ATP8B3: variants seen among roughly 807,000 people sequenced by gnomAD.
The protein encoded by ATP8B3 is phospholipid-transporting ATPase IK.
In ATP8B3, 141 loss-of-function variants were observed where a neutral mutation model predicts 140.9. The ratio of observed to expected loss-of-function variants is 1.00; its 90% CI spans 0.87 to 1.15. The LOEUF is 1.15. Among genes scored for constraint, ATP8B3 ranks in the 50% most tolerant of loss-of-function variants. The probability of loss-of-function intolerance (pLI) is 0.00; values close to 1 mark genes in which losing one functional copy is unlikely to be tolerated. For synonymous variants in ATP8B3, 765 were observed against 714.6 expected, an observed-to-expected ratio of 1.07 and a Z score of -1.13; for missense variants, 1,874 against 1,740.6, an observed-to-expected ratio of 1.08 and a Z score of -1.36.
At chr19:1,795,144 A>G (rs1307592778) in intron 18 of ATP8B3, among the ~76,000 whole-genome samples, 2 of 152,040 alleles carry the variant, frequency 1.3e-5, no homozygotes, top group African/African-American at 2.4e-5. Context: ...AGTCTCAGCT[A>G]CTCAGGAGGC....
intron 24 of ATP8B3, among the ~76,000 whole-genome samples, chr19:1,787,483 C>G (rs1199704457): frequency 6.6e-6 from 1 of 152,124 alleles, no homozygotes. Flanking sequence ...AATCTCAGCA[C>G]TTTGGAAGGC....
At chr19:1,784,988 C>T (rs2068257417) in intron 27 of ATP8B3, 42 bp from the exon 28 acceptor site, 3 of 1,577,812 alleles carry the variant, frequency 1.9e-6, no homozygotes, top group Non-Finnish European at 8.6e-7. Context: ...ACCCCCAGCT[C>T]CAAGGATGCC....
In ATP8B3 at chr19:1,794,404, C is replaced by T. The variant is rs891666581; in HGVS notation, c.2055+1471G>A. Among the ~76,000 whole-genome samples the T allele has an allele frequency of 1.3e-5, 2 of 152,128 alleles. No individual in the cohort carries two copies. Among genetic ancestry groups the T allele is most frequent in the African/African-American group, 4.8e-5 (2 of 41,434 alleles). On this transcript the variant is annotated intron_variant, in intron 18 of 28. Coordinates refer to ENST00000310127, the MANE Select transcript of ATP8B3 (RefSeq NM_138813.4). The surrounding 1 kb of genome is among the most constrained non-coding windows in gnomAD (Gnocchi z 4.8). ...ACCGCACTTCCAGTTCAGAGTGCCCCCACATCCTGGCAGAGCAGGGGACAC... is the reference window on the plus strand; with the variant it reads ...ACCGCACTTCCAGTTCAGAGTGCCCTCACATCCTGGCAGAGCAGGGGACAC...
chr19:1,793,567 G>T (rs1251758116), intron 18 of ATP8B3, among the ~76,000 whole-genome samples: 1 of 152,164 alleles, frequency 6.6e-6, no homozygotes, highest in Non-Finnish European at 1.5e-5. Context: ...CCAGACCCAG[G>T]GTTGGGGCCT....
chr19:1,809,354 G>A (rs1452098199), intron 4 of ATP8B3, among the ~76,000 whole-genome samples: 1 of 151,364 alleles, frequency 6.6e-6, no homozygotes, highest in African/African-American at 2.4e-5. Context: ...GGTGGTGCAT[G>A]CCTGTAATCC....
chr19:1,802,407 A>ACACCCCC, intron 11 of ATP8B3, 80 bp downstream of exon 11: 1 of 318,102 alleles, frequency 3.1e-6, no homozygotes, highest in Non-Finnish European at 6.0e-6. Context: ...CCACCCACCT[A>ACACCCCC]CCCACCCACC....
intron 21 of ATP8B3, 38 bp downstream of exon 21, chr19:1,790,719 C>A (rs773887927): frequency 1.3e-6 from 2 of 1,543,932 alleles, no homozygotes; most frequent in Non-Finnish European, 1.7e-6. Flanking sequence ...CTCACCTCCC[C>A]ACTCCCCTTG....
In ATP8B3 at chr19:1,800,905, A is replaced by C. The variant is rs370895782; in HGVS notation, c.1153-456T>G. ...GTGCAGTGGCGCGATCTTGGCTCAC[A>C]GCAAGCTCCGCCTCCCGGGTTCACA... On this transcript the variant is annotated intron_variant, in intron 12 of 28. Transcript: ENST00000310127. The surrounding 1 kb of genome is among the most constrained non-coding windows in gnomAD (Gnocchi z 4.4). Among the ~76,000 whole-genome samples the C allele has an allele frequency of 6.8e-6, 1 of 146,652 alleles. No individual in the cohort carries two copies. Among genetic ancestry groups the C allele is most frequent in the African/African-American group, 2.5e-5 (1 of 39,490 alleles).
intron 4 of ATP8B3, among the ~76,000 whole-genome samples, chr19:1,809,276 A>T (rs941449607): frequency 3.9e-5 from 6 of 152,082 alleles, no homozygotes; most frequent in African/African-American, 1.4e-4. Context: ...TGAGATCAGG[A>T]GTTCGAGACC....
chr19:1,783,364 C>T, intron 28 of ATP8B3, 94 bp from the exon 29 acceptor site: 1 of 1,455,300 alleles, frequency 6.9e-7, no homozygotes, highest in Non-Finnish European at 9.2e-7. Flanking sequence ...ATTCAAAGCC[C>T]TTGGCCACTA....
In ATP8B3 at chr19:1,805,104, T is replaced by C; in HGVS notation, c.904+270A>G. 1 of 438,984 alleles carries C rather than the reference T, an allele frequency of 2.3e-6. No individual in the cohort carries two copies. The highest frequency in any genetic ancestry group is 4.3e-6 in the Non-Finnish European group (1 of 234,374). The allele number at this position is 438,984 out of a possible 1,614,324, so 27.2% of individuals were successfully genotyped here. On this transcript the variant is annotated intron_variant, in intron 10 of 28. Transcript: ENST00000310127. The surrounding 1 kb of genome is among the most constrained non-coding windows in gnomAD (Gnocchi z 5.2). ...GAGCCTCCCACCTCAGCCTCCCAAG[T>C]AGCTGGGACCACCGGCATGTGCCAC...
chr19:1,788,335 T>C (rs934576415), intron 24 of ATP8B3, among the ~76,000 whole-genome samples: 1 of 152,204 alleles, frequency 6.6e-6, no homozygotes, highest in African/African-American at 2.4e-5. Flanking sequence ...GAGGTCCATG[T>C]GCAGTGCCTG....
At position 1,784,512 on chromosome 19, in the gene ATP8B3, T is replaced by G. The variant is rs1046047645; in HGVS notation, c.3660+307A>C. 2.6e-4 allele frequency among the ~76,000 whole-genome samples: 40 copies of G among 152,130 alleles called. 1 individual carries two copies. The highest frequency in any genetic ancestry group is 7.4e-5 in the Non-Finnish European group (5 of 67,986). On this transcript the variant is annotated intron_variant, in intron 28 of 28. Coordinates refer to ENST00000310127, the MANE Select transcript of ATP8B3 (RefSeq NM_138813.4). ...CCTGGGTGACAGCACAAGACCCTTC[T>G]CAAAAAGTAAAAATAAATAAATAAA... is the stretch of plus-strand genomic sequence containing the variant.
chr19:1,802,716 C>T, intron 10 of ATP8B3, 71 bp from the exon 11 acceptor site: 2 of 1,519,504 alleles, frequency 1.3e-6, no homozygotes, highest in Non-Finnish European at 1.8e-6. Flanking sequence ...GCACCGGGTG[C>T]AGGTGAGAAC....
In ATP8B3 at chr19:1,807,155, C is replaced by A. The variant is rs778951803; in HGVS notation, c.615+13G>T. 5.6e-6 allele frequency: 9 copies of A among 1,608,924 alleles called. No individual in the cohort carries two copies. In the South Asian group the frequency reaches 9.9e-5, roughly 18 times the overall value. On this transcript the variant is annotated intron_variant, in intron 6 of 28. Transcript: ENST00000310127. This position sits in a 1 kb window ranked among gnomAD's most constrained non-coding sequence, Gnocchi z 5.9. ...GCTCCCTCCCCCAGGCAGCTGCATC[C>A]AACAGCACTCACCATGTCGTCCACC...
At position 1,785,486 on chromosome 19, in the gene ATP8B3, G is replaced by A; in HGVS notation, c.3376C>T (p.Leu1126=). Residue 1126 remains leucine, a synonymous_variant, in exon 26 of 29, where the codon CTG becomes TTG. Coordinates refer to ENST00000310127, the MANE Select transcript of ATP8B3 (RefSeq NM_138813.4). The part of the protein sequence containing the change: ...FAVVVALSCL[L]SITMEVILII... ...TTGCCCACCTCCATGGTGATGGACA[G>A]CAGGCAAGACAGGGCCACCACGACC... is the stretch of plus-strand genomic sequence containing the variant. 6.2e-7 allele frequency: 1 copy of A among 1,612,900 alleles called. No individual in the cohort carries two copies. Among genetic ancestry groups the A allele is most frequent in the Non-Finnish European group, 8.5e-7 (1 of 1,179,858 alleles).
rs1390822916 is a variant in ATP8B3, at chr19:1,806,517, G to T, written c.677+111C>A. The T allele has an allele frequency of 1.1e-5, 16 of 1,511,010 alleles. No individual in the cohort carries two copies. Among genetic ancestry groups the T allele is most frequent in the Non-Finnish European group, 1.3e-5 (15 of 1,131,256 alleles). 93.6% of individuals were successfully genotyped at this position (1,511,010 alleles called of 1,614,324 possible). A position where few individuals can be genotyped will look rare whatever the true frequency, so the allele number is the denominator to read the frequency against. On this transcript the variant is annotated intron_variant, in intron 7 of 28. Coordinates refer to ENST00000310127, the MANE Select transcript of ATP8B3 (RefSeq NM_138813.4). The surrounding 1 kb of genome is among the most constrained non-coding windows in gnomAD (Gnocchi z 5.6). ...GCCCGGTTCCTGTCGGACTCAACCA[G>T]CCGGGAGATCAGGGAGCACGGAAGG...
chr19:1,790,933 A>C (rs2068489018), intron 20 of ATP8B3, 101 bp from the exon 21 acceptor site: 3 of 971,248 alleles, frequency 3.1e-6, no homozygotes, highest in Non-Finnish European at 4.5e-6. Flanking sequence ...GACCAATGGC[A>C]GCCACATGCC....
At chr19:1,787,643 C>T (rs1052052352) in intron 24 of ATP8B3, among the ~76,000 whole-genome samples, 2 of 149,548 alleles carry the variant, frequency 1.3e-5, no homozygotes, top group African/African-American at 4.9e-5. Flanking sequence ...ACAGGAGAAT[C>T]GCTTGAACCC....
Sources: allele counts gnomAD v4.1 joint callset (sites outside exome capture counted in the v4.1 genomes callset), GRCh38; gene constraint gnomAD v4.1.1; non-coding constraint Gnocchi (gnomAD v3.1); transcripts MANE v1.5; gene names NCBI Gene and HGNC (gene_info 2026-07-23, HGNC 2026-07-21).